Variants in FSD1L observed in about 807,000 individuals in gnomAD.
FSD1L encodes FSD1-like protein.
A neutral mutation model predicts 71.6 loss-of-function variants in FSD1L; 45 were observed. The observed-to-expected ratio is 0.63, with a 90% confidence interval of 0.49 to 0.81. The LOEUF (loss-of-function observed/expected upper bound fraction) is 0.81, where lower values mean the gene tolerates loss of function less well. FSD1L is among the 30% of genes least tolerant of loss of function. FSD1L has a pLI of 0.00. For missense variants in FSD1L, 561 were observed against 618.1 expected (o/e 0.91, Z 0.98); for synonymous variants, 197 against 207.2 (o/e 0.95, Z 0.42).
At chr9:105,514,410 A>G (rs900598040) in intron 10 of FSD1L, among the ~76,000 whole-genome samples, 7 of 152,208 alleles carry the variant, frequency 4.6e-5, no homozygotes, top group African/African-American at 1.7e-4. Flanking sequence ...TATTCTTTCC[A>G]TAAATATTTG....
intron 5 of FSD1L, among the ~76,000 whole-genome samples, chr9:105,478,075 T>C (rs1831928100): frequency 6.6e-6 from 1 of 152,074 alleles, no homozygotes; most frequent in African/African-American, 2.4e-5. Flanking sequence ...AAACCCCGTC[T>C]CTAATAAAAA....
At chr9:105,511,227 C>T (rs1834378408) in intron 9 of FSD1L, among the ~76,000 whole-genome samples, 1 of 151,038 alleles carries the variant, frequency 6.6e-6, no homozygotes, top group Non-Finnish European at 1.5e-5. Context: ...ACCAGTATTG[C>T]TGGTGGCCCT....
chr9:105,520,315 C>T, intron 10 of FSD1L: 2 of 1,416,450 alleles, frequency 1.4e-6, no homozygotes, highest in South Asian at 2.4e-5. Flanking sequence ...GAGCTGTCTT[C>T]CTGATGCGTA....
At chr9:105,493,324 C>G (rs1374452878) in intron 7 of FSD1L, among the ~76,000 whole-genome samples, 1 of 151,980 alleles carries the variant, frequency 6.6e-6, no homozygotes, top group Non-Finnish European at 1.5e-5. Context: ...GATTGCAACC[C>G]CTGCCTTTTT....
intron 1 of FSD1L, among the ~76,000 whole-genome samples, chr9:105,449,342 A>C (rs898001121): frequency 6.6e-6 from 1 of 152,236 alleles, no homozygotes; most frequent in African/African-American, 2.4e-5. Context: ...ATGCATGACT[A>C]TTCTTAAGGC....
chr9:105,538,284 G>C (rs1043997170), intron 12 of FSD1L, among the ~76,000 whole-genome samples: 1 of 152,160 alleles, frequency 6.6e-6, no homozygotes, highest in Non-Finnish European at 1.5e-5. Flanking sequence ...CGAGATCAAA[G>C]TACTGGGTAC....
chr9:105,465,275 A>G (rs2131617083), intron 3 of FSD1L, among the ~76,000 whole-genome samples: 1 of 152,342 alleles, frequency 6.6e-6, no homozygotes, highest in South Asian at 2.1e-4. Flanking sequence ...GAAGTCTCCC[A>G]TCAAAGAAAA....
chr9:105,485,007 A>C (rs1402629375), intron 7 of FSD1L, among the ~76,000 whole-genome samples: 1 of 152,186 alleles, frequency 6.6e-6, no homozygotes, highest in East Asian at 1.9e-4. Flanking sequence ...GTTGGCTCAG[A>C]TGGAACTTTA....
intron 10 of FSD1L, chr9:105,530,452 G>C: frequency 1.8e-6 from 1 of 563,354 alleles, no homozygotes; most frequent in South Asian, 2.4e-5. Flanking sequence ...AATGTCAATA[G>C]TTATGTCTGT....
At chr9:105,535,532 TA>T (rs1439801522) in intron 12 of FSD1L, among the ~76,000 whole-genome samples, 1 of 152,196 alleles carries the variant, frequency 6.6e-6, no homozygotes, top group Non-Finnish European at 1.5e-5. Flanking sequence ...TCATTTATAA[TA>T]TACTAAGTCT....
chr9:105,448,260 G>A, intron 1 of FSD1L, 25 bp downstream of exon 1: 1 of 1,529,298 alleles, frequency 6.5e-7, no homozygotes. Context: ...GGAGCCCGGG[G>A]CTACCGAGAC....
chr9:105,494,330 G>T (rs1833190097), intron 7 of FSD1L, among the ~76,000 whole-genome samples: 1 of 151,886 alleles, frequency 6.6e-6, no homozygotes, highest in South Asian at 2.1e-4. Flanking sequence ...CGTAGTTCTC[G>T]AGCCTTGGCT....
rs115730748 is a variant in FSD1L, at chr9:105,534,606, A to G, written c.1126+13A>G. 1.8e-3 allele frequency: 2,519 copies of G among 1,436,344 alleles called. 43 individuals are homozygous for G. The African/African-American group carries it at 0.032, about 18-fold the overall frequency. 89.0% of individuals were successfully genotyped at this position (1,436,344 alleles called of 1,614,324 possible). A position where few individuals can be genotyped will look rare whatever the true frequency, so the allele number is the denominator to read the frequency against. Reference sequence around the variant, plus strand: ...TACACAGTGCTGGGTAGGACAAAACATAATTGTTTTTCATTATCTCAGATT... The same window carrying G: ...TACACAGTGCTGGGTAGGACAAAACGTAATTGTTTTTCATTATCTCAGATT... On this transcript the variant is annotated intron_variant, in intron 11 of 13. Coordinates refer to ENST00000481272, the MANE Select transcript of FSD1L (RefSeq NM_001145313.3).
chr9:105,444,710 T>C (rs1246751730), upstream of FSD1L, among the ~76,000 whole-genome samples: 1 of 152,228 alleles, frequency 6.6e-6, no homozygotes, highest in Non-Finnish European at 1.5e-5. Context: ...TGTCTATGAC[T>C]AGATAGGCTT....
intron 8 of FSD1L, 35 bp downstream of exon 8, chr9:105,506,643 G>A: frequency 3.7e-6 from 5 of 1,337,664 alleles, no homozygotes; most frequent in Non-Finnish European, 5.2e-6. Context: ...CTCATTCTCA[G>A]AAGATAAATG....
At chr9:105,472,212 T>C in intron 5 of FSD1L, 1 of 517,868 alleles carries the variant, frequency 1.9e-6, no homozygotes, top group Non-Finnish European at 3.1e-6. Flanking sequence ...ACAAATATGT[T>C]TAAAAAGTGT....
chr9:105,482,683 CA>C (rs958649519), intron 6 of FSD1L, among the ~76,000 whole-genome samples: 1 of 152,122 alleles, frequency 6.6e-6, no homozygotes, highest in African/African-American at 2.4e-5. Flanking sequence ...TAAATTGATT[CA>C]TGGAAACTTA....
At chr9:105,458,373 C>T (rs946239572) in intron 1 of FSD1L, among the ~76,000 whole-genome samples, 2 of 152,194 alleles carry the variant, frequency 1.3e-5, no homozygotes, top group African/African-American at 4.8e-5. Context: ...TGTTACAGCC[C>T]TTTCTGCGCC....
At chr9:105,443,535 G>A (rs1453314412), upstream of FSD1L, among the ~76,000 whole-genome samples, 1 of 152,116 alleles carries the variant, frequency 6.6e-6, no homozygotes, top group Non-Finnish European at 1.5e-5. Flanking sequence ...ACCCTCCTGG[G>A]CAGACTCTGT....
Sources: gnomAD v4.1 joint callset for allele counts (sites outside exome capture counted in the v4.1 genomes callset) on GRCh38, gnomAD v4.1.1 for gene constraint, MANE v1.5 for transcripts, NCBI Gene and HGNC (gene_info 2026-07-23, HGNC 2026-07-21) for gene names.